The following KIF26B variants were observed in gnomAD, a reference collection of about 807,000 sequenced individuals.
The protein encoded by KIF26B is kinesin-like protein KIF26B.
KIF26B carries 63 observed loss-of-function variants against 151.2 expected under a neutral mutation model. That is an observed-to-expected ratio of 0.42 (90% CI 0.34 to 0.51). KIF26B has a LOEUF of 0.51. KIF26B is among the 20% of genes least tolerant of loss of function. The pLI, the probability that KIF26B is intolerant of heterozygous loss-of-function variation, is 0.07. For missense variants in KIF26B, 2,813 were observed against 2,913.6 expected (o/e 0.97, Z 0.79); for synonymous variants, 1,357 against 1,262.1 (o/e 1.08, Z -1.59).
chr1:245,499,956 T>G (rs968885646), intron 4 of KIF26B, among the ~76,000 whole-genome samples: 1 of 152,332 alleles, frequency 6.6e-6, no homozygotes, highest in Admixed American at 6.5e-5. Context: ...TTGGGCTGAG[T>G]GGAAGCGTTT....
At chr1:245,204,720 A>G (rs1365110762) in intron 2 of KIF26B, among the ~76,000 whole-genome samples, 2 of 152,058 alleles carry the variant, frequency 1.3e-5, no homozygotes, top group South Asian at 2.1e-4. Context: ...TCTCAACCAC[A>G]GAGCAAATAA....
intron 4 of KIF26B, among the ~76,000 whole-genome samples, chr1:245,482,278 C>CA (rs112853348): frequency 1.3e-5 from 2 of 150,886 alleles, no homozygotes; most frequent in Admixed American, 1.3e-4. Flanking sequence ...TTTTAGTAGA[C>CA]GGGGTTTCAC....
intron 2 of KIF26B, among the ~76,000 whole-genome samples, chr1:245,310,087 TAATA>T (rs943695067): frequency 3.4e-5 from 5 of 147,870 alleles, no homozygotes; most frequent in Admixed American, 6.8e-5. Context: ...TTATTTTATA[TAATA>T]AATCAATAAA....
At chr1:245,323,701 T>C (rs566123300) in intron 2 of KIF26B, among the ~76,000 whole-genome samples, 1 of 152,378 alleles carries the variant, frequency 6.6e-6, no homozygotes, top group East Asian at 1.9e-4. Context: ...CACCTGTTCA[T>C]GTAGTCATTA....
chr1:245,472,982 C>T (rs1323439808), intron 4 of KIF26B, among the ~76,000 whole-genome samples: 1 of 152,256 alleles, frequency 6.6e-6, no homozygotes, highest in African/African-American at 2.4e-5. Context: ...CAAGCCTGGT[C>T]ATTTGCTTTC....
chr1:245,517,602 G>A (rs1660998271), intron 4 of KIF26B, among the ~76,000 whole-genome samples: 1 of 152,166 alleles, frequency 6.6e-6, no homozygotes, highest in African/African-American at 2.4e-5. Context: ...GCTGTGTAAA[G>A]TTTTGGAGAT....
chr1:245,478,738 G>A (rs1046222672), intron 4 of KIF26B, among the ~76,000 whole-genome samples: 4 of 151,630 alleles, frequency 2.6e-5, no homozygotes, highest in African/African-American at 7.3e-5. Context: ...TAAAAGGGTC[G>A]CTTTGGCTGC....
intron 12 of KIF26B, among the ~76,000 whole-genome samples, chr1:245,696,481 C>A (rs994728080): frequency 6.6e-6 from 1 of 152,048 alleles, no homozygotes; most frequent in Non-Finnish European, 1.5e-5. Context: ...AGATTCCCAA[C>A]CCACAGGGAT....
intron 9 of KIF26B, among the ~76,000 whole-genome samples, chr1:245,612,370 C>T (rs1321756181): frequency 6.6e-6 from 1 of 152,068 alleles, no homozygotes; most frequent in Admixed American, 6.5e-5. Flanking sequence ...CTTGATCTCC[C>T]AAAGTGTTGG....
Position 245,590,905 on chromosome 1 carries a change from CAAAAAAAAGAAA to C in KIF26B, c.1351-11663_1351-11652del, listed in dbSNP as rs1249119164. On this transcript the variant is annotated intron_variant, in intron 5 of 14. Coordinates refer to ENST00000407071, the MANE Select transcript of KIF26B (RefSeq NM_018012.4). ...CCTGGGTGACAGTGAGATCCTGTCT[CAAAAAAAAGAAA>C]AAAAAAAAAAAAAATTGGATGACGT... is the stretch of plus-strand genomic sequence containing the variant. Among the ~76,000 whole-genome samples the C allele has an allele frequency of 1.8e-4, 17 of 93,866 alleles. No homozygotes were observed. In the East Asian group the frequency reaches 5.5e-3, roughly 30 times the overall value. 61.6% of individuals were successfully genotyped at this position (93,866 alleles called of 152,430 possible). A position where few individuals can be genotyped will look rare whatever the true frequency, so the allele number is the denominator to read the frequency against.
At chr1:245,544,105 C>G (rs1661685533) in intron 5 of KIF26B, among the ~76,000 whole-genome samples, 1 of 152,190 alleles carries the variant, frequency 6.6e-6, no homozygotes, top group African/African-American at 2.4e-5. Context: ...CTCCCAGACT[C>G]CTGCTCTCTC....
intron 4 of KIF26B, among the ~76,000 whole-genome samples, chr1:245,478,868 G>T (rs1660102462): frequency 6.6e-6 from 1 of 151,770 alleles, no homozygotes; most frequent in Non-Finnish European, 1.5e-5. Flanking sequence ...CAGTGAAGGG[G>T]TTGACAGATT....
At chr1:245,347,655 A>T (rs1672481459) in intron 2 of KIF26B, among the ~76,000 whole-genome samples, 1 of 152,170 alleles carries the variant, frequency 6.6e-6, no homozygotes, top group Non-Finnish European at 1.5e-5. Flanking sequence ...ATTTATTTTT[A>T]AAATGCGTGT....
At chr1:245,558,048 C>T (rs1219743573) in intron 5 of KIF26B, among the ~76,000 whole-genome samples, 3 of 152,164 alleles carry the variant, frequency 2.0e-5, no homozygotes, top group Non-Finnish European at 4.4e-5. Flanking sequence ...TGCTTAGACA[C>T]AGGGCCAGTG....
At chr1:245,595,037 T>C (rs899124657) in intron 5 of KIF26B, among the ~76,000 whole-genome samples, 11 of 152,232 alleles carry the variant, frequency 7.2e-5, no homozygotes, top group Admixed American at 2.0e-4. Flanking sequence ...TTTCCTGAAT[T>C]TGCTTATCAG....
chr1:245,406,295 A>G (rs1233236567), intron 3 of KIF26B, among the ~76,000 whole-genome samples: 2 of 152,164 alleles, frequency 1.3e-5, no homozygotes, highest in African/African-American at 4.8e-5. Flanking sequence ...AACGTTTACC[A>G]GGGGCCTGAT....
Position 245,241,544 on chromosome 1 carries a change from A to G in KIF26B, c.465+84861A>G, listed in dbSNP as rs1670210517. On this transcript the variant is annotated intron_variant, in intron 2 of 14. Coordinates refer to ENST00000407071, the MANE Select transcript of KIF26B (RefSeq NM_018012.4). The surrounding 1 kb of genome is among the most constrained non-coding windows in gnomAD (Gnocchi z 5.0). ...AGGGCTCCCAGGTGCCTTACAGGTC[A>G]CAGTCGAGGGCCTTCTTAAAAGCTG... 6.6e-6 allele frequency among the ~76,000 whole-genome samples: 1 copy of G among 152,218 alleles called. No homozygotes were observed. Among genetic ancestry groups the G allele is most frequent in the African/African-American group, 2.4e-5 (1 of 41,454 alleles).
chr1:245,399,082 A>G (rs1673931027), intron 3 of KIF26B, among the ~76,000 whole-genome samples: 1 of 152,058 alleles, frequency 6.6e-6, no homozygotes. Flanking sequence ...TTTTCAGTTG[A>G]CCTGATAATG....
chr1:245,406,329 A>T (rs112592595), intron 3 of KIF26B, among the ~76,000 whole-genome samples: 2,244 of 152,298 alleles, frequency 0.015, 60 homozygotes, highest in African/African-American at 0.051. Flanking sequence ...TTTGCTAGGC[A>T]CTAGGATTAC....
Sources: gnomAD v4.1 joint callset for allele counts (sites outside exome capture counted in the v4.1 genomes callset) on GRCh38, gnomAD v4.1.1 for gene constraint, Gnocchi (gnomAD v3.1) non-coding constraint, MANE v1.5 for transcripts, NCBI Gene and HGNC (gene_info 2026-07-23, HGNC 2026-07-21) for gene names.